Variants in FMN1 observed in about 807,000 individuals in gnomAD.
The protein encoded by FMN1 is formin 1.
FMN1 carries 110 observed loss-of-function variants against 132.4 expected under a neutral mutation model. The ratio of observed to expected loss-of-function variants is 0.83; its 90% CI spans 0.71 to 0.97. The LOEUF is 0.97. Ranked by LOEUF, FMN1 falls within the 50% of genes least tolerant of loss-of-function variation. The probability of loss-of-function intolerance (pLI) is 0.00; values close to 1 mark genes in which losing one functional copy is unlikely to be tolerated. For synonymous variants in FMN1, 722 were observed against 651.7 expected (o/e 1.11, Z -1.64); for missense variants, 1,792 against 1,705.3 (o/e 1.05, Z -0.90).
At chr15:32,930,311 C>CAGT (rs2061079141) in intron 9 of FMN1, among the ~76,000 whole-genome samples, 2 of 152,058 alleles carry the variant, frequency 1.3e-5, no homozygotes, top group South Asian at 4.1e-4. Context: ...TAAAGAACTT[C>CAGT]ATACTGTTTT....
chr15:33,035,771 C>T (rs905530750), intron 6 of FMN1, among the ~76,000 whole-genome samples: 4 of 152,184 alleles, frequency 2.6e-5, no homozygotes, highest in African/African-American at 9.7e-5. Context: ...GATTTCACTG[C>T]CCCCTCCAAA....
chr15:32,861,649 G>A (rs2059271205), intron 16 of FMN1, among the ~76,000 whole-genome samples: 2 of 152,186 alleles, frequency 1.3e-5, no homozygotes, highest in Non-Finnish European at 2.9e-5. Context: ...AACATGTCAA[G>A]GTCAGAACAG....
chr15:32,934,773 AT>A (rs1219950892), intron 9 of FMN1, among the ~76,000 whole-genome samples: 1 of 150,980 alleles, frequency 6.6e-6, no homozygotes, highest in Non-Finnish European at 1.5e-5. Context: ...TGCTGGGCTA[AT>A]TTTTGTATTT....
chr15:32,966,598 GAA>G (rs2031255607), intron 8 of FMN1, among the ~76,000 whole-genome samples: 1 of 151,994 alleles, frequency 6.6e-6, no homozygotes, highest in South Asian at 2.1e-4. Context: ...TAGAAATCAC[GAA>G]AGAGACACCC....
intron 4 of FMN1, among the ~76,000 whole-genome samples, chr15:33,120,909 A>G (rs1449794381): frequency 2.0e-5 from 3 of 152,178 alleles, no homozygotes; most frequent in Admixed American, 6.5e-5. Flanking sequence ...GTTGCACTAT[A>G]CACTGAACTA....
chr15:33,179,842 T>C (rs1965635201), intron 3 of FMN1, among the ~76,000 whole-genome samples: 3 of 152,192 alleles, frequency 2.0e-5, no homozygotes, highest in South Asian at 4.1e-4. Context: ...TTAATAGGAA[T>C]AGAAATAGTA....
Position 33,057,148 on chromosome 15 carries a change from G to A in FMN1, c.2161+7809C>T, listed in dbSNP as rs113478251. Among the ~76,000 whole-genome samples, 563 of 152,312 alleles carry A rather than the reference G, an allele frequency of 3.7e-3. 2 individuals carry two copies. The highest frequency in any genetic ancestry group is 0.013 in the African/African-American group (546 of 41,564). On this transcript the variant is annotated intron_variant, in intron 6 of 20. Transcript: ENST00000616417. The stretch of plus-strand genomic sequence containing the variant: ...GCTGAGATGGCACCACTGTACTCCA[G>A]CCTGGGTGACAGAGCGAGACTCCAT...
chr15:33,022,345 G>A (rs540842058), intron 6 of FMN1, among the ~76,000 whole-genome samples: 9 of 152,302 alleles, frequency 5.9e-5, no homozygotes, highest in Admixed American at 4.6e-4. Context: ...GAAGGATTGG[G>A]TATGGAGGGG....
intron 6 of FMN1, among the ~76,000 whole-genome samples, chr15:33,023,051 C>G (rs1429673865): frequency 8.0e-6 from 1 of 125,492 alleles, no homozygotes. Context: ...TGATCCCCCT[C>G]CCCCACCCAA....
intron 19 of FMN1, among the ~76,000 whole-genome samples, chr15:32,790,796 C>A (rs988530737): frequency 3.3e-5 from 5 of 152,182 alleles, no homozygotes; most frequent in East Asian, 1.9e-4. Flanking sequence ...TCCAGCTGTG[C>A]GCTGGAGAAT....
chr15:33,176,287 C>T (rs934696715), intron 3 of FMN1, among the ~76,000 whole-genome samples: 29 of 152,200 alleles, frequency 1.9e-4, no homozygotes, highest in African/African-American at 6.5e-4. Context: ...GCAGGCAGAT[C>T]ACAAGGTCAG....
intron 3 of FMN1, 88 bp from the exon 4 acceptor site, chr15:33,155,133 T>C: frequency 2.1e-6 from 1 of 485,418 alleles, no homozygotes; most frequent in Non-Finnish European, 3.7e-6. Flanking sequence ...AACCATGACT[T>C]ATCCTTCCTC....
intron 6 of FMN1, among the ~76,000 whole-genome samples, chr15:33,049,371 G>C (rs1308742530): frequency 1.3e-5 from 2 of 152,132 alleles, no homozygotes; most frequent in African/African-American, 2.4e-5. Context: ...TCCTAGACCA[G>C]AACAGACCAG....
chr15:33,139,192 T>C (rs1595555624), intron 4 of FMN1, among the ~76,000 whole-genome samples: 1 of 152,094 alleles, frequency 6.6e-6, no homozygotes, highest in Non-Finnish European at 1.5e-5. Context: ...TGAAATGGAG[T>C]TGTGTATCCC....
At chr15:33,150,004 A>T (rs1337101217) in intron 4 of FMN1, 1 of 985,330 alleles carries the variant, frequency 1.0e-6, no homozygotes, top group Non-Finnish European at 1.2e-6. Flanking sequence ...TGATCAAGAG[A>T]TTCTCAGTTC....
In FMN1 at chr15:33,159,045, G is replaced by A. The variant is rs140685778; in HGVS notation, c.-131-4000C>T. ...AATACAGAAAAAATTAGACAGGCAT[G>A]GTGGCACATGCCCGTAATCCCAGTT... is the stretch of plus-strand genomic sequence containing the variant. On this transcript the variant is annotated intron_variant, in intron 3 of 20. Transcript: ENST00000616417. Among the ~76,000 whole-genome samples, 332 of 152,248 alleles carry A rather than the reference G, an allele frequency of 2.2e-3. 2 individuals carry two copies. The highest frequency in any genetic ancestry group is 7.7e-3 in the African/African-American group (321 of 41,548).
intron 7 of FMN1, among the ~76,000 whole-genome samples, chr15:32,978,689 G>A (rs1437192681): frequency 2.0e-5 from 3 of 152,180 alleles, no homozygotes; most frequent in Non-Finnish European, 4.4e-5. Context: ...AATACACTGT[G>A]ACAAACTGGG....
At chr15:32,882,729 T>G (rs2059800018) in intron 16 of FMN1, among the ~76,000 whole-genome samples, 1 of 152,166 alleles carries the variant, frequency 6.6e-6, no homozygotes, top group African/African-American at 2.4e-5. Flanking sequence ...TGAGATACAC[T>G]TACATTTAAA....
chr15:33,070,806 G>A (rs1014105956), intron 5 of FMN1, among the ~76,000 whole-genome samples: 1 of 152,068 alleles, frequency 6.6e-6, no homozygotes, highest in African/African-American at 2.4e-5. Flanking sequence ...ACAATTTTAG[G>A]TGCTCCACAC....
Sources: gnomAD v4.1 joint callset for allele counts (sites outside exome capture counted in the v4.1 genomes callset) on GRCh38, gnomAD v4.1.1 for gene constraint, MANE v1.5 for transcripts, NCBI Gene and HGNC (gene_info 2026-07-23, HGNC 2026-07-21) for gene names.